The following COLGALT1 variants were observed in gnomAD, a reference collection of about 807,000 sequenced individuals.
The protein encoded by COLGALT1 is procollagen galactosyltransferase 1.
In COLGALT1, 43 loss-of-function variants were observed where a neutral mutation model predicts 60.8. The ratio of observed to expected loss-of-function variants is 0.71; its 90% confidence interval spans 0.55 to 0.91. The LOEUF (loss-of-function observed/expected upper bound fraction) is 0.91, where lower values mean the gene tolerates loss of function less well. Ranked by LOEUF, COLGALT1 falls within the 40% of genes least tolerant of loss-of-function variation. The pLI is 0.00. For synonymous variants in COLGALT1, 369 were observed against 374.2 expected (o/e 0.99, Z 0.16); for missense variants, 845 against 880.0 (o/e 0.96, Z 0.50).
intron 5 of COLGALT1, 33 bp from the exon 6 acceptor site, chr19:17,572,450 T>C (rs779834903): frequency 6.2e-7 from 1 of 1,613,606 alleles, no homozygotes; most frequent in Admixed American, 1.7e-5. Flanking sequence ...CGCCTGTTTT[T>C]ACATTTGTCT....
At chr19:17,579,392 T>G in intron 9 of COLGALT1, 90 bp from the exon 10 acceptor site, 2 of 1,564,958 alleles carry the variant, frequency 1.3e-6, no homozygotes, top group Non-Finnish European at 8.7e-7. Context: ...TCTCTACGGG[T>G]CTTTCAAACC....
chr19:17,579,469 C>T lies in COLGALT1; in HGVS notation c.1267-13C>T. ...TTGGCCTCCCTGTGATGTGGCGGGG[C>T]TTCCTCCCTCAGGTGGTGGACCGGG... On this transcript the variant is annotated splice_polypyrimidine_tract_variant and intron_variant, in intron 9 of 11. Coordinates refer to ENST00000252599, the MANE Select transcript of COLGALT1 (RefSeq NM_024656.4). 1 of 1,602,324 alleles carries T rather than the reference C, an allele frequency of 6.2e-7. No individual in the cohort carries two copies. The highest frequency in any genetic ancestry group is 8.5e-7 in the Non-Finnish European group (1 of 1,175,086).
intron 9 of COLGALT1, 83 bp from the exon 10 acceptor site, chr19:17,579,399 A>G (rs534990847): frequency 8.8e-6 from 14 of 1,588,762 alleles, no homozygotes; most frequent in African/African-American, 6.7e-5. Flanking sequence ...GGGTCTTTCA[A>G]ACCTTCTCAA....
intron 6 of COLGALT1, among the ~76,000 whole-genome samples, chr19:17,576,360 C>G (rs756638237): frequency 4.6e-5 from 7 of 151,812 alleles, no homozygotes; most frequent in Non-Finnish European, 8.8e-5. Context: ...TGAGAAGTAA[C>G]GTTACAGAGC....
At position 17,568,732 on chromosome 19, in the gene COLGALT1, T is replaced by A. The variant is rs1329672676; in HGVS notation, c.829+19T>A. ...CAGGCAGGTACGTACATGAGGGGTC[T>A]GCCATCGCAGGGGCATCTGCCTGGT... On this transcript the variant is annotated intron_variant, in intron 5 of 11. Transcript: ENST00000252599. The A allele has an allele frequency of 6.2e-7, 1 of 1,613,210 alleles. No individual in the cohort carries two copies. The highest frequency in any genetic ancestry group is 8.5e-7 in the Non-Finnish European group (1 of 1,179,322).
intron 6 of COLGALT1, among the ~76,000 whole-genome samples, chr19:17,575,677 C>T (rs1051265120): frequency 3.3e-5 from 5 of 151,474 alleles, no homozygotes; most frequent in Admixed American, 6.6e-5. Flanking sequence ...CTGTGCCCGG[C>T]CTTCTTTTTT....
At chr19:17,569,703 C>A (rs2076300679) in intron 5 of COLGALT1, among the ~76,000 whole-genome samples, 1 of 152,004 alleles carries the variant, frequency 6.6e-6, no homozygotes, top group African/African-American at 2.4e-5. Context: ...TCCCAAAGTG[C>A]CGGGATTACA....
rs370735080 is a variant in COLGALT1, at chr19:17,568,676, C to T, written c.792C>T (p.Asp264=). ...PPHPDYTWSF[D]DIIVFAFSCK... Reference sequence around the variant, plus strand: ...ACCCTGACTACACCTGGTCCTTTGACGACATCATCGTCTTTGCCTTCTCCT... The same window carrying T: ...ACCCTGACTACACCTGGTCCTTTGATGACATCATCGTCTTTGCCTTCTCCT... The change falls in exon 5 of 12, where the codon GAC becomes GAT. Residue 264 remains aspartate (D), a synonymous_variant. Coordinates refer to ENST00000252599, the MANE Select transcript of COLGALT1 (RefSeq NM_024656.4). 4.1e-5 allele frequency: 66 copies of T among 1,614,108 alleles called. No homozygotes were observed. Among genetic ancestry groups the T allele is most frequent in the Admixed American group, 8.3e-5 (5 of 59,996 alleles).
chr19:17,576,529 G>A (rs944236368), intron 6 of COLGALT1, among the ~76,000 whole-genome samples: 6 of 151,748 alleles, frequency 4.0e-5, no homozygotes, highest in African/African-American at 1.5e-4. Flanking sequence ...CAGGGTTGGG[G>A]GCGGAGTGAA....
chr19:17,579,616 G>A lies in COLGALT1; in HGVS notation c.1394+7G>A. The A allele has an allele frequency of 1.2e-6, 2 of 1,612,210 alleles. No homozygotes were observed. Among genetic ancestry groups the A allele is most frequent in the Non-Finnish European group, 1.7e-6 (2 of 1,178,926 alleles). On this transcript the variant is annotated splice_region_variant and intron_variant, in intron 10 of 11. Transcript: ENST00000252599. ...GCCTGGACTGGGACCTCATGTGAGT[G>A]GGGGTCTGAGGATGGGGTGAAGCTG...
chr19:17,558,466 T>G (rs1046233572), intron 1 of COLGALT1, among the ~76,000 whole-genome samples: 3 of 146,034 alleles, frequency 2.1e-5, no homozygotes, highest in African/African-American at 7.5e-5. Flanking sequence ...TCACCTGAGG[T>G]CAGGAGTTCG....
chr19:17,557,776 A>AT (rs1271580791), intron 1 of COLGALT1, among the ~76,000 whole-genome samples: 1 of 148,924 alleles, frequency 6.7e-6, no homozygotes, highest in African/African-American at 2.5e-5. Flanking sequence ...TAATTTTTGT[A>AT]TTTTTTCTAG....
chr19:17,572,924 G>A (rs1356825460), intron 6 of COLGALT1, among the ~76,000 whole-genome samples: 2 of 152,184 alleles, frequency 1.3e-5, no homozygotes, highest in African/African-American at 2.4e-5. Flanking sequence ...AGGCCGGGAG[G>A]CTGGAAGGGA....
chr19:17,575,607 C>T (rs566734485), intron 6 of COLGALT1, among the ~76,000 whole-genome samples: 5 of 152,152 alleles, frequency 3.3e-5, no homozygotes, highest in Non-Finnish European at 5.9e-5. Flanking sequence ...TCTCGAACTC[C>T]TGACCTCATG....
Position 17,560,779 on chromosome 19 carries a change from C to A in COLGALT1, c.489+314C>A, listed in dbSNP as rs148631278. Among the ~76,000 whole-genome samples the A allele has an allele frequency of 4.0e-3, 611 of 152,052 alleles. 7 individuals are homozygous for A. Among genetic ancestry groups the A allele is most frequent in the African/African-American group, 0.014 (593 of 41,504 alleles). On this transcript the variant is annotated intron_variant, in intron 3 of 11. Transcript: ENST00000252599. ...ACAGAGACTCACTCTGGTGCCCAGG[C>A]TGGAGTGAAGTGCCGCAATATCGGC...
chr19:17,559,028 G>A (rs939903509), intron 1 of COLGALT1, among the ~76,000 whole-genome samples: 17 of 152,164 alleles, frequency 1.1e-4, no homozygotes, highest in African/African-American at 4.1e-4. Flanking sequence ...GGGTGTGGTG[G>A]CGGGCGCCTG....
chr19:17,579,075 T>C (rs185845189), intron 9 of COLGALT1, among the ~76,000 whole-genome samples: 143 of 149,248 alleles, frequency 9.6e-4, no homozygotes, highest in African/African-American at 3.4e-3. Context: ...CTCAGGAGGC[T>C]GAGGCAGAAT....
At position 17,581,454 on chromosome 19, in the gene COLGALT1, G is replaced by T; in HGVS notation, c.*10G>T. ...CCGGGATGAACTCTGAGGGGTAGCA[G>T]CCAGAAAGCCAAAGCAGCCATCGGT... is the stretch of plus-strand genomic sequence containing the variant. On this transcript the variant is annotated 3_prime_UTR_variant, in exon 12 of 12. Transcript: ENST00000252599. The T allele has an allele frequency of 1.9e-6, 3 of 1,600,978 alleles. No individual in the cohort carries two copies. Among genetic ancestry groups the T allele is most frequent in the Non-Finnish European group, 2.6e-6 (3 of 1,176,406 alleles).
chr19:17,579,706 A>T, intron 10 of COLGALT1, 97 bp downstream of exon 10: 2 of 1,392,630 alleles, frequency 1.4e-6, no homozygotes, highest in South Asian at 1.3e-5. Flanking sequence ...GGACCTGGGG[A>T]TGGGTCATGG....
Sources: gnomAD v4.1 joint callset for allele counts (sites outside exome capture counted in the v4.1 genomes callset) on GRCh38, gnomAD v4.1.1 for gene constraint, MANE v1.5 for transcripts, NCBI Gene and HGNC (gene_info 2026-07-23, HGNC 2026-07-21) for gene names.